Variants in CNTNAP5 observed in about 807,000 individuals in gnomAD.
The protein encoded by CNTNAP5 is contactin associated protein family member 5.
Under a neutral mutation model 150.2 loss-of-function variants are expected in CNTNAP5, and 72 were observed. That is an observed-to-expected ratio of 0.48 (90% confidence interval 0.40 to 0.58). CNTNAP5 has a LOEUF of 0.58. Ranked by LOEUF, CNTNAP5 falls within the 20% of genes least tolerant of loss-of-function variation. The pLI is 0.00. For missense variants in CNTNAP5, 1,636 were observed against 1,626.2 expected, an observed-to-expected ratio of 1.01 and a Z score of -0.10; for synonymous variants, 672 against 619.8, an observed-to-expected ratio of 1.08 and a Z score of -1.25.
At chr2:124,817,686 C>A (rs1298643380) in intron 19 of CNTNAP5, among the ~76,000 whole-genome samples, 2 of 152,082 alleles carry the variant, frequency 1.3e-5, no homozygotes, top group Non-Finnish European at 2.9e-5. Flanking sequence ...TTTCCATGTA[C>A]AAATAGTGTG....
At chr2:124,051,644 C>T (rs1406037696) in intron 1 of CNTNAP5, among the ~76,000 whole-genome samples, 1 of 152,102 alleles carries the variant, frequency 6.6e-6, no homozygotes, top group East Asian at 1.9e-4. Context: ...GTGGTGGGGG[C>T]TTACATAGAT....
At chr2:124,139,848 G>T (rs544326471) in intron 1 of CNTNAP5, among the ~76,000 whole-genome samples, 9 of 152,178 alleles carry the variant, frequency 5.9e-5, no homozygotes, top group Non-Finnish European at 1.3e-4. Flanking sequence ...CGCAGAAGAC[G>T]GGTGATTTCT....
intron 3 of CNTNAP5, among the ~76,000 whole-genome samples, chr2:124,384,775 G>A (rs938484134): frequency 2.6e-5 from 4 of 152,180 alleles, no homozygotes; most frequent in African/African-American, 9.7e-5. Flanking sequence ...TTCTTCCTCT[G>A]TTATCTGATT....
intron 12 of CNTNAP5, among the ~76,000 whole-genome samples, chr2:124,615,606 C>G (rs1021788814): frequency 6.6e-6 from 1 of 152,156 alleles, no homozygotes; most frequent in Non-Finnish European, 1.5e-5. Context: ...TCCATGAGGA[C>G]TGGAATCAAC....
chr2:124,659,949 AT>A (rs1217736132), intron 13 of CNTNAP5, among the ~76,000 whole-genome samples: 1 of 152,076 alleles, frequency 6.6e-6, no homozygotes, highest in Non-Finnish European at 1.5e-5. Flanking sequence ...CATTGTAGGA[AT>A]AAAACAGTTA....
chr2:124,025,643 C>T lies in CNTNAP5; in HGVS notation c.-8C>T. 1.2e-6 allele frequency: 2 copies of T among 1,613,602 alleles called. No individual in the cohort carries two copies. Among genetic ancestry groups the T allele is most frequent in the Non-Finnish European group, 1.7e-6 (2 of 1,179,698 alleles). The stretch of plus-strand genomic sequence containing the variant: ...ATTCGATTGGGAGGGACCGCTCACT[C>T]GGGGGAAATGGATTCTTTACCACGG... On this transcript the variant is annotated 5_prime_UTR_variant, in exon 1 of 24. Coordinates refer to ENST00000682447, the MANE Select transcript of CNTNAP5 (RefSeq NM_001367498.1).
intron 1 of CNTNAP5, among the ~76,000 whole-genome samples, chr2:124,164,976 T>C (rs1217461406): frequency 2.0e-5 from 3 of 152,124 alleles, no homozygotes; most frequent in Non-Finnish European, 4.4e-5. Context: ...GTGGAGCAGG[T>C]AGAACACAAG....
intron 1 of CNTNAP5, among the ~76,000 whole-genome samples, chr2:124,155,005 G>A (rs545075904): frequency 5.3e-5 from 8 of 151,344 alleles, no homozygotes. Flanking sequence ...TTGACAGATG[G>A]CCATGCAAGC....
At chr2:124,673,939 TCAC>T (rs371410924) in intron 13 of CNTNAP5, among the ~76,000 whole-genome samples, 10 of 152,206 alleles carry the variant, frequency 6.6e-5, no homozygotes, top group South Asian at 6.2e-4. Context: ...GTTGCAAATA[TCAC>T]CACAATTTAA....
intron 3 of CNTNAP5, among the ~76,000 whole-genome samples, chr2:124,300,900 G>A (rs1688556193): frequency 6.6e-6 from 1 of 152,088 alleles, no homozygotes; most frequent in Admixed American, 6.6e-5. Flanking sequence ...CTTGCCCACA[G>A]GAAATACGAA....
At chr2:124,227,187 A>G (rs373932739) in intron 2 of CNTNAP5, among the ~76,000 whole-genome samples, 9 of 152,154 alleles carry the variant, frequency 5.9e-5, no homozygotes, top group South Asian at 2.1e-4. Flanking sequence ...TGCCTTGTTC[A>G]ATACACTGAG....
intron 1 of CNTNAP5, among the ~76,000 whole-genome samples, chr2:124,072,354 G>A (rs1488103007): frequency 6.6e-6 from 1 of 151,832 alleles, no homozygotes; most frequent in Non-Finnish European, 1.5e-5. Flanking sequence ...CACTGTTATT[G>A]AATATGGTAC....
At chr2:124,484,688 C>T (rs1693831907) in intron 7 of CNTNAP5, among the ~76,000 whole-genome samples, 1 of 152,136 alleles carries the variant, frequency 6.6e-6, no homozygotes, top group Admixed American at 6.5e-5. Context: ...CTAGCCTGCT[C>T]GACAAATGGC....
rs138549981 is a variant in CNTNAP5, at chr2:124,073,062, A to G, written c.82+47330A>G. 5.6e-4 allele frequency among the ~76,000 whole-genome samples: 85 copies of G among 152,256 alleles called. 1 individual carries two copies. In the East Asian group the frequency reaches 0.011, roughly 19 times the overall value. ...AACCCAGAAATGAATTCATACATCT[A>G]TAGTGAACTCATTTTTTACAAAGTT... On this transcript the variant is annotated intron_variant, in intron 1 of 23. Coordinates refer to ENST00000682447, the MANE Select transcript of CNTNAP5 (RefSeq NM_001367498.1).
intron 10 of CNTNAP5, among the ~76,000 whole-genome samples, chr2:124,531,644 C>T (rs894409551): frequency 3.3e-5 from 5 of 152,036 alleles, no homozygotes; most frequent in East Asian, 1.9e-4. Flanking sequence ...GACCTGGAGA[C>T]GTATGTCAGT....
chr2:124,882,346 G>T (rs79556189), intron 21 of CNTNAP5, among the ~76,000 whole-genome samples: 4 of 152,216 alleles, frequency 2.6e-5, no homozygotes, highest in Admixed American at 1.3e-4. Context: ...ATGACAGGAG[G>T]GGGGTGTGGG....
intron 21 of CNTNAP5, among the ~76,000 whole-genome samples, chr2:124,895,271 T>C (rs1678279733): frequency 6.6e-6 from 1 of 151,604 alleles, no homozygotes; most frequent in Admixed American, 6.6e-5. Flanking sequence ...CCTTATGCAA[T>C]GTCGACCCAT....
intron 11 of CNTNAP5, among the ~76,000 whole-genome samples, chr2:124,580,220 A>T (rs1421907150): frequency 2.6e-5 from 4 of 152,246 alleles, no homozygotes; most frequent in Admixed American, 1.3e-4. Context: ...AATTGAGAGG[A>T]TAACCAAAAG....
intron 3 of CNTNAP5, among the ~76,000 whole-genome samples, chr2:124,353,053 G>A (rs1436263387): frequency 2.0e-5 from 3 of 152,126 alleles, no homozygotes; most frequent in African/African-American, 7.2e-5. Context: ...AGAACTGGGT[G>A]AGCCACATTG....
Sources: allele counts gnomAD v4.1 joint callset (sites outside exome capture counted in the v4.1 genomes callset), GRCh38; gene constraint gnomAD v4.1.1; transcripts MANE v1.5; gene names NCBI Gene and HGNC (gene_info 2026-07-23, HGNC 2026-07-21).